C2orf80: variants seen among roughly 807,000 people sequenced by gnomAD.
The protein encoded by C2orf80 is chromosome 2 open reading frame 80, also known as uncharacterized protein C2orf80.
Under a neutral mutation model 30.2 loss-of-function variants are expected in C2orf80, and 28 were observed. The observed-to-expected ratio is 0.93, with a 90% CI of 0.69 to 1.27. The LOEUF (loss-of-function observed/expected upper bound fraction) is 1.27, where lower values mean the gene tolerates loss of function less well. Among genes scored for constraint, C2orf80 ranks in the 50% most tolerant of loss-of-function variants. The pLI, the probability that C2orf80 is intolerant of heterozygous loss-of-function variation, is 0.00. For synonymous variants in C2orf80, 80 were observed against 76.4 expected (o/e 1.05, Z -0.24); for missense variants, 220 against 231.0 (o/e 0.95, Z 0.31).
chr2:208,171,471 C>T (rs1489114888), intron 7 of C2orf80, among the ~76,000 whole-genome samples: 3 of 152,118 alleles, frequency 2.0e-5, no homozygotes, highest in Non-Finnish European at 2.9e-5. Flanking sequence ...CAGGCGCCTA[C>T]CACCACACCC....
intron 6 of C2orf80, among the ~76,000 whole-genome samples, chr2:208,175,312 G>A (rs1696250617): frequency 6.6e-6 from 1 of 151,532 alleles, no homozygotes; most frequent in Admixed American, 6.6e-5. Context: ...AAATGAGTAA[G>A]ACATTTTATA....
chr2:208,178,906 C>T (rs928065501), intron 6 of C2orf80, among the ~76,000 whole-genome samples: 8 of 151,990 alleles, frequency 5.3e-5, no homozygotes, highest in Admixed American at 2.6e-4. Context: ...TACAGGCGAC[C>T]GCCACCACAC....
At position 208,190,016 on chromosome 2, in the gene C2orf80, C is replaced by T. The variant is rs1216903523; in HGVS notation, c.-139G>A. 5 of 702,782 alleles carry T rather than the reference C, an allele frequency of 7.1e-6. No individual in the cohort carries two copies. Among genetic ancestry groups the T allele is most frequent in the Middle Eastern group, 2.3e-4 (1 of 4,370 alleles). 43.5% of individuals were successfully genotyped at this position (702,782 alleles called of 1,614,324 possible). A position where few individuals can be genotyped will look rare whatever the true frequency, so the allele number is the denominator to read the frequency against. Reference sequence around the variant, plus strand: ...GCTTCTGGAGGCATGCTGAAGCATCCGCGCATCTCAGACTGGTGCTCACAG... The same window carrying T: ...GCTTCTGGAGGCATGCTGAAGCATCTGCGCATCTCAGACTGGTGCTCACAG... On this transcript the variant is annotated 5_prime_UTR_variant, in exon 1 of 9. Transcript: ENST00000341287.
intron 2 of C2orf80, among the ~76,000 whole-genome samples, chr2:208,186,682 C>T (rs1696728191): frequency 6.6e-6 from 1 of 152,180 alleles, no homozygotes; most frequent in Non-Finnish European, 1.5e-5. Context: ...AGGCTCAGCT[C>T]TCAGGCTCTA....
chr2:208,181,905 C>T (rs181767670), intron 4 of C2orf80, among the ~76,000 whole-genome samples: 1 of 152,146 alleles, frequency 6.6e-6, no homozygotes, highest in Non-Finnish European at 1.5e-5. Context: ...ATCCAGATGA[C>T]ATTGTTTGAG....
intron 8 of C2orf80, among the ~76,000 whole-genome samples, chr2:208,170,499 A>G (rs1574356572): frequency 6.6e-6 from 1 of 152,204 alleles, no homozygotes; most frequent in East Asian, 1.9e-4. Context: ...ATTATTGCTG[A>G]GAGAGGGATC....
Position 208,167,278 on chromosome 2 carries a change from C to T in C2orf80, c.574-1463G>A, listed in dbSNP as rs1371924076. On this transcript the variant is annotated intron_variant, in intron 8 of 8. Coordinates refer to ENST00000341287, the MANE Select transcript of C2orf80 (RefSeq NM_001099334.3). The stretch of plus-strand genomic sequence containing the variant: ...GTGGCTCATGCCTGTAATTCCAGCA[C>T]TTTGGGAGGCTGAGGTGGGTGGATC... 5.9e-5 allele frequency among the ~76,000 whole-genome samples: 9 copies of T among 151,800 alleles called. No individual in the cohort carries two copies. The East Asian group carries it at 1.6e-3, about 27-fold the overall frequency.
intron 3 of C2orf80, 72 bp from the exon 4 acceptor site, chr2:208,183,119 A>T: frequency 2.6e-6 from 3 of 1,162,508 alleles, no homozygotes; most frequent in Non-Finnish European, 3.9e-6. Flanking sequence ...GGACCCAATG[A>T]CAATGGGACT....
At chr2:208,169,671 C>T (rs552801541) in intron 8 of C2orf80, among the ~76,000 whole-genome samples, 1 of 145,960 alleles carries the variant, frequency 6.9e-6, no homozygotes, top group South Asian at 2.1e-4. Context: ...TGAGATTGTG[C>T]CATTGCACTC....
At chr2:208,175,447 A>G (rs1396985856) in intron 6 of C2orf80, among the ~76,000 whole-genome samples, 2 of 152,192 alleles carry the variant, frequency 1.3e-5, no homozygotes, top group Non-Finnish European at 2.9e-5. Flanking sequence ...CCCTCTCAGG[A>G]GGGAGAACCC....
Position 208,185,122 on chromosome 2 carries a change from C to G in C2orf80, c.42-90G>C, listed in dbSNP as rs575042421. The G allele has an allele frequency of 3.6e-5, 29 of 799,538 alleles. No individual in the cohort carries two copies. In the African/African-American group the frequency reaches 4.3e-4, roughly 12 times the overall value. The allele number at this position is 799,538 out of a possible 1,614,324, so 49.5% of individuals were successfully genotyped here. A position where few individuals can be genotyped will look rare whatever the true frequency, so the allele number is the denominator to read the frequency against. ...TTTTTTTTTTCCCATCCCTCCCTCC[C>G]CCACCAAAATACAAGAGAATTTGCA... On this transcript the variant is annotated intron_variant, in intron 2 of 8. Transcript: ENST00000341287.
chr2:208,184,660 T>G (rs1448598341), intron 3 of C2orf80, among the ~76,000 whole-genome samples: 1 of 152,230 alleles, frequency 6.6e-6, no homozygotes, highest in Non-Finnish European at 1.5e-5. Context: ...TTTGTCAAAC[T>G]CTTAACTCCA....
rs1696536265 is a variant in C2orf80 at position 208,180,872 on chromosome 2, T to C, written c.295-56A>G. ...TGATCATACCATGGCTTTTCTTTTATTATAAAACAAAGCTAATATAGCTCC... is the reference window on the plus strand; with the variant it reads ...TGATCATACCATGGCTTTTCTTTTACTATAAAACAAAGCTAATATAGCTCC... On this transcript the variant is annotated intron_variant, in intron 5 of 8. Coordinates refer to ENST00000341287, the MANE Select transcript of C2orf80 (RefSeq NM_001099334.3). The C allele has an allele frequency of 6.1e-6, 9 of 1,476,206 alleles. No homozygotes were observed. The Middle Eastern group carries it at 5.2e-4, about 86-fold the overall frequency. The allele number at this position is 1,476,206 out of a possible 1,614,324, so 91.4% of individuals were successfully genotyped here.
intron 7 of C2orf80, 28 bp from the exon 8 acceptor site, chr2:208,171,091 G>T: frequency 6.7e-7 from 1 of 1,495,988 alleles, no homozygotes; most frequent in Non-Finnish European, 9.2e-7. Context: ...AACCATATCT[G>T]TATATAAAAC....
At chr2:208,172,652 A>G (rs935883909) in intron 6 of C2orf80, among the ~76,000 whole-genome samples, 4 of 152,260 alleles carry the variant, frequency 2.6e-5, no homozygotes, top group African/African-American at 9.6e-5. Context: ...TGAAAAAGCC[A>G]GTATAGATAA....
intron 4 of C2orf80, 91 bp downstream of exon 4, chr2:208,182,874 T>A: frequency 9.6e-7 from 1 of 1,039,360 alleles, no homozygotes; most frequent in Non-Finnish European, 1.5e-6. Context: ...TCAAAGTGCC[T>A]CATGATGGAA....
chr2:208,172,282 G>C (rs1405313671), intron 6 of C2orf80, among the ~76,000 whole-genome samples: 1 of 152,110 alleles, frequency 6.6e-6, no homozygotes. Flanking sequence ...TTTTGTTCCT[G>C]TACTTGGTTC....
At chr2:208,178,674 G>T (rs978122624) in intron 6 of C2orf80, among the ~76,000 whole-genome samples, 3 of 152,232 alleles carry the variant, frequency 2.0e-5, no homozygotes, top group Non-Finnish European at 4.4e-5. Context: ...AGCATTAGGG[G>T]AGGCCAAGGT....
intron 8 of C2orf80, among the ~76,000 whole-genome samples, chr2:208,166,806 C>G (rs974129456): frequency 5.3e-5 from 8 of 152,068 alleles, no homozygotes; most frequent in African/African-American, 1.9e-4. Context: ...GGCGCCACCA[C>G]GCCCAACTAA....
Sources: gnomAD v4.1 joint callset for allele counts (sites outside exome capture counted in the v4.1 genomes callset) on GRCh38, gnomAD v4.1.1 for gene constraint, MANE v1.5 for transcripts, NCBI Gene and HGNC (gene_info 2026-07-23, HGNC 2026-07-21) for gene names.